BCL2L14: variants seen among roughly 807,000 people sequenced by gnomAD.
BCL2L14 encodes BCL2 like 14, also known as apoptosis facilitator Bcl-2-like protein 14.
Under a neutral mutation model 35.3 loss-of-function variants are expected in BCL2L14, and 27 were observed. The ratio of observed to expected loss-of-function variants is 0.76; its 90% CI spans 0.56 to 1.05. BCL2L14 has a LOEUF of 1.05. Among genes scored for constraint, BCL2L14 ranks in the 50% least tolerant of loss-of-function variants. BCL2L14 has a pLI of 0.00. For synonymous variants in BCL2L14, 139 were observed against 145.9 expected (o/e 0.95, Z 0.34); for missense variants, 377 against 382.6 (o/e 0.99, Z 0.12).
chr12:12,060,887 G>GCC (rs1443205633), intron 2 of BCL2L14, among the ~76,000 whole-genome samples: 42,550 of 66,508 alleles, frequency 0.64, 14,798 homozygotes, highest in East Asian at 0.99. Context: ...CGGAAGTCCC[G>GCC]TAGACCATCA....
chr12:12,099,377 C>T lies in BCL2L14; in HGVS notation c.*389C>T, dbSNP rs907116538. ...ATAAACTGTGCATGTGTTTCCACTT[C>T]CGTTTCTAGTACTATTTATTTTTAA... On this transcript the variant is annotated 3_prime_UTR_variant, in exon 6 of 6. Transcript: ENST00000308721. 1 of 193,794 alleles carries T rather than the reference C, an allele frequency of 5.2e-6. No individual in the cohort carries two copies. The highest frequency in any genetic ancestry group is 1.0e-5 in the Non-Finnish European group (1 of 96,572). 12.0% of individuals were successfully genotyped at this position (193,794 alleles called of 1,614,324 possible).
At chr12:12,097,841 A>C (rs1949348686) in intron 5 of BCL2L14, among the ~76,000 whole-genome samples, 2 of 152,202 alleles carry the variant, frequency 1.3e-5, no homozygotes, top group African/African-American at 4.8e-5. Context: ...TTCAGTAGGA[A>C]TACTAAAGTG....
intron 2 of BCL2L14, 115 bp downstream of exon 2, chr12:12,079,853 C>G (rs1339828606): frequency 1.9e-6 from 2 of 1,029,162 alleles, no homozygotes; most frequent in East Asian, 4.8e-5. Flanking sequence ...ATGCGTTGTG[C>G]CTCAGCTTTC....
intron 2 of BCL2L14, among the ~76,000 whole-genome samples, chr12:12,063,065 CAG>C (rs1307494403): frequency 1.3e-5 from 2 of 152,202 alleles, no homozygotes; most frequent in Non-Finnish European, 2.9e-5. Flanking sequence ...TATTAGGCCC[CAG>C]TCTCATTCCA....
upstream of BCL2L14, among the ~76,000 whole-genome samples, chr12:12,066,740 G>A (rs1428708506): frequency 6.6e-6 from 1 of 150,406 alleles, no homozygotes; most frequent in African/African-American, 2.4e-5. Flanking sequence ...TTTTGAGACA[G>A]AGTCTCGCTC....
chr12:12,064,813 G>A (rs1948574450), intron 2 of BCL2L14, among the ~76,000 whole-genome samples: 2 of 152,186 alleles, frequency 1.3e-5, no homozygotes, highest in African/African-American at 4.8e-5. Flanking sequence ...TGTTTATCAG[G>A]AGTCTTCCAT....
chr12:12,073,053 AT>A (rs1443087111), intron 1 of BCL2L14, among the ~76,000 whole-genome samples: 1 of 151,764 alleles, frequency 6.6e-6, no homozygotes. Context: ...CGCCCAGCTA[AT>A]TTTTTTCATT....
chr12:12,067,919 C>T (rs1948612506), upstream of BCL2L14, among the ~76,000 whole-genome samples: 2 of 152,016 alleles, frequency 1.3e-5, no homozygotes, highest in Admixed American at 1.3e-4. Flanking sequence ...TTAATAGTTG[C>T]TTTACCAAAA....
At chr12:12,090,478 A>T (rs1322013622) in intron 3 of BCL2L14, among the ~76,000 whole-genome samples, 2 of 151,778 alleles carry the variant, frequency 1.3e-5, no homozygotes, top group African/African-American at 2.4e-5. Context: ...TAAAAATACA[A>T]AAAAATTAGC....
intron 4 of BCL2L14, among the ~76,000 whole-genome samples, chr12:12,093,535 G>A (rs1455167425): frequency 6.6e-6 from 1 of 152,160 alleles, no homozygotes; most frequent in Non-Finnish European, 1.5e-5. Context: ...GCCCACACCT[G>A]TAATCCCAGC....
In BCL2L14 at chr12:12,079,405, C is replaced by G. The variant is rs141156172; in HGVS notation, c.100C>G (p.His34Asp). 1 of 1,614,180 alleles carries G rather than the reference C, an allele frequency of 6.2e-7. No individual in the cohort carries two copies. The highest frequency in any genetic ancestry group is 8.5e-7 in the Non-Finnish European group (1 of 1,180,006). Residue 34 changes from histidine (H) to aspartate (D), a missense_variant, in exon 2 of 6, where the codon CAT (histidine) becomes GAT (aspartate). Transcript: ENST00000308721. The stretch of plus-strand genomic sequence containing the variant: ...AATCCTCGCCTACTACACCAGACAT[C>G]ATGTCTTCAAGAGCACCCCTGCTCT... The part of the protein sequence containing the change: ...FKILAYYTRH[H>D]VFKSTPALFS...
chr12:12,081,257 T>C (rs1251915620), intron 2 of BCL2L14, among the ~76,000 whole-genome samples: 1 of 151,846 alleles, frequency 6.6e-6, no homozygotes, highest in Non-Finnish European at 1.5e-5. Flanking sequence ...GAGATCAGCC[T>C]GGCATCATAG....
intron 5 of BCL2L14, among the ~76,000 whole-genome samples, chr12:12,096,455 A>G (rs976773154): frequency 6.8e-6 from 1 of 148,136 alleles, no homozygotes; most frequent in Non-Finnish European, 1.5e-5. Context: ...AAAACAACCC[A>G]CAGAATGGGG....
At chr12:12,057,947 CTTT>C (rs71057796) in intron 2 of BCL2L14, among the ~76,000 whole-genome samples, 13,470 of 138,718 alleles carry the variant, frequency 0.097, 729 homozygotes, top group African/African-American at 0.17. Context: ...GTGTGTTTGT[CTTT>C]TTTTTTTTTT....
At chr12:12,094,107 TA>T (rs55947114) in intron 4 of BCL2L14, among the ~76,000 whole-genome samples, 32 of 142,712 alleles carry the variant, frequency 2.2e-4, no homozygotes, top group Non-Finnish European at 2.3e-4. Context: ...AACCCTGTCT[TA>T]AAAAAAAAAA....
intron 3 of BCL2L14, among the ~76,000 whole-genome samples, chr12:12,089,378 A>G (rs1315372133): frequency 1.3e-5 from 2 of 148,792 alleles, no homozygotes; most frequent in Non-Finnish European, 3.0e-5. Context: ...TCAATAAAAA[A>G]AAAAAAAAGT....
In BCL2L14 at chr12:12,054,007, T is replaced by C. The variant is rs542323364; in HGVS notation, c.-272+2160T>C. Among the ~76,000 whole-genome samples, 377 of 152,306 alleles carry C rather than the reference T, an allele frequency of 2.5e-3. 1 individual carries two copies. Among genetic ancestry groups the C allele is most frequent in the African/African-American group, 8.2e-3 (340 of 41,574 alleles). On this transcript the variant is annotated intron_variant, in intron 2 of 3. Coordinates refer to the BCL2L14 transcript ENST00000461264. ...ATGATATGTTACCTAATGTTACCTC[T>C]CCCGGTTTAGTAATAACATAAACAA... is the stretch of plus-strand genomic sequence containing the variant.
In BCL2L14 at chr12:12,087,367, A is replaced by G. The variant is rs139420279; in HGVS notation, c.588A>G (p.Val196=). ...LSFQLQGHVP[V]ASSSKKDEEE... ...TCCAGCTCCAAGGCCACGTGCCTGTAGCTTCAAGTTCTAAGAAAGGTAAGC... is the reference window on the plus strand; with the variant it reads ...TCCAGCTCCAAGGCCACGTGCCTGTGGCTTCAAGTTCTAAGAAAGGTAAGC... Residue 196 remains valine (V), a synonymous_variant, in exon 3 of 6, where the codon GTA becomes GTG. Transcript: ENST00000308721. 4.1e-5 allele frequency: 66 copies of G among 1,614,204 alleles called. No individual in the cohort carries two copies. The African/African-American group carries it at 8.7e-4, about 21-fold the overall frequency.
rs1343606117 is a variant in BCL2L14, at chr12:12,094,861, G to C, written c.876G>C (p.Arg292Ser). 1.2e-6 allele frequency: 2 copies of C among 1,614,168 alleles called. No homozygotes were observed. The highest frequency in any genetic ancestry group is 2.2e-5 in the South Asian group (2 of 91,082). Residue 292 changes from arginine to serine, a missense_variant, in exon 5 of 6, where the codon AGG becomes AGC. Arg to Ser is a moderately radical substitution (Grantham distance 110). Transcript: ENST00000308721. ...LTAIDNHPMN[R>S]VLGFGTKYLK... Reference sequence around the variant, plus strand: ...CTATTGACAACCACCCGATGAACAGGGTCCTGGGCTTTGGCACCAAGTACC... The same window carrying C: ...CTATTGACAACCACCCGATGAACAGCGTCCTGGGCTTTGGCACCAAGTACC...
Sources: allele counts gnomAD v4.1 joint callset (sites outside exome capture counted in the v4.1 genomes callset), GRCh38; gene constraint gnomAD v4.1.1; transcripts MANE v1.5; gene names NCBI Gene and HGNC (gene_info 2026-07-23, HGNC 2026-07-21).